Variants in PSTPIP1 observed in about 807,000 individuals in gnomAD.
The protein encoded by PSTPIP1 is proline-serine-threonine phosphatase interacting protein 1.
A neutral mutation model predicts 69.6 loss-of-function variants in PSTPIP1; 66 were observed. The ratio of observed to expected loss-of-function variants is 0.95; its 90% CI spans 0.78 to 1.16. The LOEUF (loss-of-function observed/expected upper bound fraction) is 1.16, where lower values mean the gene tolerates loss of function less well. Ranked by LOEUF, PSTPIP1 falls within the 50% of genes most tolerant of loss-of-function variation. The probability of loss-of-function intolerance (pLI) is 0.00; values close to 1 mark genes in which losing one functional copy is unlikely to be tolerated. For missense variants in PSTPIP1, 603 were observed against 557.4 expected (o/e 1.08, Z -0.82); for synonymous variants, 266 against 222.7 (o/e 1.19, Z -1.73).
At position 76,995,573 on chromosome 15, in the gene PSTPIP1, G is replaced by C; in HGVS notation, c.-1G>C. On this transcript the variant is annotated 5_prime_UTR_variant, in exon 1 of 15. Coordinates refer to ENST00000558012, the MANE Select transcript of PSTPIP1 (RefSeq NM_003978.5). Reference sequence around the variant, plus strand: ...AGCTTTGCCGCGGCAGACGCCTGAGGATGATGCCCCAGCTGCAGTTCAAAG... The same window carrying C: ...AGCTTTGCCGCGGCAGACGCCTGAGCATGATGCCCCAGCTGCAGTTCAAAG... 1 of 1,613,906 alleles carries C rather than the reference G, an allele frequency of 6.2e-7. No individual in the cohort carries two copies. The highest frequency in any genetic ancestry group is 8.5e-7 in the Non-Finnish European group (1 of 1,179,890).
At chr15:77,028,109 G>A (rs1346725964) in intron 6 of PSTPIP1, among the ~76,000 whole-genome samples, 195 bp downstream of exon 6, 3 of 151,832 alleles carry the variant, frequency 2.0e-5, no homozygotes, top group Admixed American at 2.0e-4. Flanking sequence ...CCGTGGGGAT[G>A]GTCCCGGGCC....
intron 3 of PSTPIP1, among the ~76,000 whole-genome samples, chr15:77,023,178 A>T (rs186237762): frequency 1.2e-3 from 186 of 152,334 alleles, no homozygotes; most frequent in African/African-American, 4.4e-3. Flanking sequence ...AATTTAGATT[A>T]TGAGCCTGGG....
At chr15:77,009,461 G>A (rs914140364) in intron 1 of PSTPIP1, among the ~76,000 whole-genome samples, 7 of 152,176 alleles carry the variant, frequency 4.6e-5, no homozygotes, top group African/African-American at 1.4e-4. Flanking sequence ...AGGAGTCCAC[G>A]TATTCTCCCC....
In PSTPIP1 at chr15:77,032,392, C is replaced by G; in HGVS notation, c.836C>G (p.Pro279Arg). The G allele has an allele frequency of 6.2e-7, 1 of 1,612,634 alleles. No homozygotes were observed. Among genetic ancestry groups the G allele is most frequent in the Non-Finnish European group, 8.5e-7 (1 of 1,179,760 alleles). The change falls in exon 11 of 15, where the codon CCC becomes CGC. Residue 279 changes from proline to arginine, a missense_variant and splice_region_variant. Physicochemically the swap from Pro to Arg is moderately radical, Grantham distance 103. Transcript: ENST00000558012. ...GCCAAGAGCACGGGCACAGAGCCCC[C>G]CGGTGAGGTCCGGCTTGCGGACAGC... ...IQAKSTGTEPPAPVPYQNYYD... is the reference protein window; with the variant it reads ...IQAKSTGTEPRAPVPYQNYYD...
chr15:77,031,495 T>C (rs1482390667), intron 10 of PSTPIP1: 5 of 469,550 alleles, frequency 1.1e-5, no homozygotes, highest in Non-Finnish European at 1.6e-5. Flanking sequence ...TGGAAGATGA[T>C]GACTCTGTGG....
chr15:77,003,050 G>C (rs1427784769), intron 1 of PSTPIP1, among the ~76,000 whole-genome samples: 2 of 152,210 alleles, frequency 1.3e-5, no homozygotes, highest in African/African-American at 4.8e-5. Context: ...GGTAGGAAGG[G>C]AAGGCACGAG....
rs1219382800 is a variant in PSTPIP1 at position 77,008,039 on chromosome 15, G to A, written c.37-10109G>A. The A allele has an allele frequency of 1.1e-5, 5 of 456,610 alleles. No individual in the cohort carries two copies. In the East Asian group the frequency reaches 3.5e-4, roughly 32 times the overall value. 28.3% of individuals were successfully genotyped at this position (456,610 alleles called of 1,614,324 possible). ...GACATCAGACTACAGGTGGTAGGAA[G>A]ACCCAGAACAGCTGAGGATGGTTCA... On this transcript the variant is annotated intron_variant, in intron 1 of 14. Transcript: ENST00000558012.
intron 8 of PSTPIP1, among the ~76,000 whole-genome samples, 178 bp downstream of exon 8, chr15:77,029,752 C>G (rs1457394356): frequency 1.3e-5 from 2 of 152,178 alleles, no homozygotes; most frequent in African/African-American, 4.8e-5. Flanking sequence ...TTCGCCAGCC[C>G]TTCTTGGCGC....
rs2076455169 is a variant in PSTPIP1 at position 77,032,861 on chromosome 15, G to T, written c.839-1G>T. The T allele has an allele frequency of 6.4e-7, 1 of 1,573,908 alleles. No homozygotes were observed. The highest frequency in any genetic ancestry group is 1.2e-5 in the South Asian group (1 of 86,034). On this transcript the variant is annotated splice_acceptor_variant, in intron 11 of 14. Coordinates refer to ENST00000558012, the MANE Select transcript of PSTPIP1 (RefSeq NM_003978.5). LOFTEE classifies it high-confidence loss of function. The stretch of plus-strand genomic sequence containing the variant: ...TGGGGCTCACGGCTTGCTGTCTGCA[G>T]CTCCGGTGCCCTACCAGAACTATTA...
chr15:77,019,602 G>A (rs1357143104), intron 3 of PSTPIP1, among the ~76,000 whole-genome samples: 1 of 152,244 alleles, frequency 6.6e-6, no homozygotes, highest in Non-Finnish European at 1.5e-5. Flanking sequence ...AGCCCTTGGA[G>A]CTCTGGTCCC....
At chr15:77,018,634 A>T (rs1246712277) in intron 3 of PSTPIP1, 103 bp downstream of exon 3, 2 of 1,259,740 alleles carry the variant, frequency 1.6e-6, no homozygotes, top group East Asian at 2.6e-5. Context: ...GGCTGGGCAG[A>T]ACCAGGGTAG....
chr15:77,033,827 A>G (rs1169143582), intron 12 of PSTPIP1, among the ~76,000 whole-genome samples: 2 of 151,838 alleles, frequency 1.3e-5, no homozygotes, highest in Non-Finnish European at 2.9e-5. Context: ...GAGGGCACAC[A>G]CACACCCTCT....
At position 76,996,160 on chromosome 15, in the gene PSTPIP1, C is replaced by G. The variant is rs567491747; in HGVS notation, c.36+551C>G. 4.5e-4 allele frequency among the ~76,000 whole-genome samples: 68 copies of G among 152,344 alleles called. 1 individual carries two copies. Among genetic ancestry groups the G allele is most frequent in the African/African-American group, 1.2e-3 (48 of 41,578 alleles). On this transcript the variant is annotated intron_variant, in intron 1 of 14. Coordinates refer to ENST00000558012, the MANE Select transcript of PSTPIP1 (RefSeq NM_003978.5). The stretch of plus-strand genomic sequence containing the variant: ...TGGTAATTCTGTTCCCCTCACCCAG[C>G]CCCTTGTCCCTTGCAGACCTTAGGG...
chr15:77,003,840 T>C (rs2075764518), intron 1 of PSTPIP1, among the ~76,000 whole-genome samples: 1 of 152,032 alleles, frequency 6.6e-6, no homozygotes, highest in Admixed American at 6.6e-5. Context: ...CTCAGGGCAG[T>C]GCTAAGGGAC....
At chr15:77,029,474 T>G in intron 7 of PSTPIP1, 55 bp from the exon 8 acceptor site, 2 of 1,547,420 alleles carry the variant, frequency 1.3e-6, no homozygotes, top group Non-Finnish European at 1.7e-6. Flanking sequence ...TCTGCTGGGG[T>G]GGGCCCTGGC....
At chr15:77,035,608 G>A in intron 13 of PSTPIP1, 45 bp downstream of exon 13, 2 of 1,539,888 alleles carry the variant, frequency 1.3e-6, no homozygotes, top group Non-Finnish European at 8.8e-7. Flanking sequence ...TGATCCTGGG[G>A]GGGAGGAGAG....
At position 77,037,217 on chromosome 15, in the gene PSTPIP1, A is replaced by G. The variant is rs2076603267; in HGVS notation, c.*41A>G. 3 of 1,560,538 alleles carry G rather than the reference A, an allele frequency of 1.9e-6. No individual in the cohort carries two copies. The highest frequency in any genetic ancestry group is 1.7e-6 in the Non-Finnish European group (2 of 1,154,242). ...CCCTTCGGACCTGCCCTGCCAGTGG[A>G]GCCAGCAGTGCCCCCAGCACTGTCC... On this transcript the variant is annotated 3_prime_UTR_variant, in exon 15 of 15. Coordinates refer to ENST00000558012, the MANE Select transcript of PSTPIP1 (RefSeq NM_003978.5).
rs142149106 is a variant in PSTPIP1, at chr15:77,031,026, C to T, written c.643-154C>T. Among the ~76,000 whole-genome samples the T allele has an allele frequency of 4.2e-3, 642 of 152,242 alleles. 2 individuals are homozygous for T. The highest frequency in any genetic ancestry group is 0.014 in the African/African-American group (591 of 41,542). On this transcript the variant is annotated intron_variant, in intron 9 of 14. Transcript: ENST00000558012. Reference sequence around the variant, plus strand: ...TGCAGCCTCAGGGCTGGCCCGGAGTCGGGATGGGGACCCCAGGGCACTCTC... The same window carrying T: ...TGCAGCCTCAGGGCTGGCCCGGAGTTGGGATGGGGACCCCAGGGCACTCTC...
intron 3 of PSTPIP1, chr15:77,023,617 G>A (rs894596689): frequency 1.3e-5 from 2 of 152,742 alleles, no homozygotes; most frequent in Non-Finnish European, 2.9e-5. Flanking sequence ...TGGAAGAGGA[G>A]AGGTTTGCAG....
Sources: gnomAD v4.1 joint callset for allele counts (sites outside exome capture counted in the v4.1 genomes callset) on GRCh38, gnomAD v4.1.1 for gene constraint, MANE v1.5 for transcripts, NCBI Gene and HGNC (gene_info 2026-07-23, HGNC 2026-07-21) for gene names.